Variants in TBC1D22A observed in about 807,000 individuals in gnomAD.
TBC1D22A encodes the protein putative GTPase activator.
TBC1D22A carries 38 observed loss-of-function variants against 60.2 expected under a neutral mutation model. The ratio of observed to expected loss-of-function variants is 0.63; its 90% CI spans 0.49 to 0.83. The LOEUF (loss-of-function observed/expected upper bound fraction) is 0.83. Among genes scored for constraint, TBC1D22A ranks in the 40% least tolerant of loss-of-function variants. The probability of loss-of-function intolerance (pLI) is 0.00; values close to 1 mark genes in which losing one functional copy is unlikely to be tolerated. For synonymous variants in TBC1D22A, 302 were observed against 281.7 expected (o/e 1.07, Z -0.72); for missense variants, 628 against 701.0 (o/e 0.90, Z 1.18).
At chr22:46,837,583 G>A (rs1398382192) in intron 4 of TBC1D22A, among the ~76,000 whole-genome samples, 2 of 152,080 alleles carry the variant, frequency 1.3e-5, no homozygotes, top group Non-Finnish European at 1.5e-5. Flanking sequence ...AGAAATAAAA[G>A]GAAGAAAGTT....
chr22:46,969,605 G>A (rs142298938), intron 8 of TBC1D22A, among the ~76,000 whole-genome samples: 1 of 152,210 alleles, frequency 6.6e-6, no homozygotes, highest in Non-Finnish European at 1.5e-5. Flanking sequence ...ACATTTTGTT[G>A]TGGTCCACTT....
chr22:47,082,091 G>A (rs2147568169), intron 11 of TBC1D22A, among the ~76,000 whole-genome samples: 1 of 152,246 alleles, frequency 6.6e-6, no homozygotes, highest in Admixed American at 6.5e-5. Flanking sequence ...CCAGGAGGTG[G>A]AGGTTGCAGT....
At chr22:47,122,140 C>T (rs1297632802) in intron 12 of TBC1D22A, among the ~76,000 whole-genome samples, 1 of 152,156 alleles carries the variant, frequency 6.6e-6, no homozygotes, top group Non-Finnish European at 1.5e-5. Flanking sequence ...ATGAGGGGCA[C>T]TGGGGATGAG....
intron 10 of TBC1D22A, among the ~76,000 whole-genome samples, chr22:47,022,402 G>A (rs2062121195): frequency 6.6e-6 from 1 of 152,194 alleles, no homozygotes; most frequent in Non-Finnish European, 1.5e-5. Context: ...CTGGAGCATG[G>A]TGTCAGGAGG....
At chr22:46,838,945 T>A (rs777462748) in intron 4 of TBC1D22A, among the ~76,000 whole-genome samples, 22 of 152,194 alleles carry the variant, frequency 1.4e-4, no homozygotes, top group Non-Finnish European at 2.6e-4. Flanking sequence ...TAGCTTAAGA[T>A]CTTACAAATG....
At chr22:47,043,506 A>G (rs892353270) in intron 11 of TBC1D22A, among the ~76,000 whole-genome samples, 41 of 152,186 alleles carry the variant, frequency 2.7e-4, no homozygotes, top group African/African-American at 9.9e-4. Context: ...AGCCCCTGCC[A>G]CCTGCAATTT....
intron 12 of TBC1D22A, among the ~76,000 whole-genome samples, chr22:47,114,307 C>T (rs1211546972): frequency 6.6e-6 from 1 of 151,924 alleles, no homozygotes; most frequent in Admixed American, 6.6e-5. Context: ...CTCTGAGAGC[C>T]TGTGGGGCCC....
At chr22:46,904,916 A>G (rs1280306478) in intron 7 of TBC1D22A, among the ~76,000 whole-genome samples, 2 of 151,788 alleles carry the variant, frequency 1.3e-5, no homozygotes. Context: ...CTGGGACTAC[A>G]GGCGCCTGCC....
chr22:47,053,935 G>A (rs1024109598), intron 11 of TBC1D22A, among the ~76,000 whole-genome samples: 3 of 152,232 alleles, frequency 2.0e-5, no homozygotes, highest in African/African-American at 7.2e-5. Flanking sequence ...AGTGGTAGCT[G>A]TTACTGTGGG....
chr22:46,903,085 G>A (rs1007546798), intron 7 of TBC1D22A, among the ~76,000 whole-genome samples: 6 of 152,186 alleles, frequency 3.9e-5, no homozygotes, highest in Non-Finnish European at 7.3e-5. Context: ...GCCCGGTTGG[G>A]CCGTGGATCT....
chr22:46,792,659 T>G (rs2084465712), intron 2 of TBC1D22A, 83 bp downstream of exon 2: 1 of 1,612,686 alleles, frequency 6.2e-7, no homozygotes, highest in Admixed American at 1.7e-5. Context: ...GCTTCCTTCC[T>G]GCTCCCAGGC....
At chr22:47,168,976 C>T (rs532937377) in intron 12 of TBC1D22A, among the ~76,000 whole-genome samples, 2 of 151,732 alleles carry the variant, frequency 1.3e-5, no homozygotes, top group African/African-American at 4.8e-5. Context: ...TCTTCGGCAT[C>T]GGGAGCCTCA....
At chr22:46,858,078 T>G (rs530875161) in intron 4 of TBC1D22A, among the ~76,000 whole-genome samples, 2 of 152,340 alleles carry the variant, frequency 1.3e-5, no homozygotes, top group East Asian at 3.9e-4. Flanking sequence ...CACAGCATTT[T>G]ACCTTCCCAC....
intron 11 of TBC1D22A, among the ~76,000 whole-genome samples, chr22:47,100,788 C>A (rs1037697049): frequency 2.0e-5 from 3 of 152,176 alleles, no homozygotes; most frequent in Non-Finnish European, 4.4e-5. Context: ...TTATCAGCCA[C>A]GTGAAAACGG....
At chr22:47,124,675 AGGGCTTG>A (rs1384998926) in intron 12 of TBC1D22A, among the ~76,000 whole-genome samples, 2 of 152,122 alleles carry the variant, frequency 1.3e-5, no homozygotes, top group Non-Finnish European at 2.9e-5. Context: ...TCCCAGAGGC[AGGGCTTG>A]GGGAGTGGGC....
chr22:47,015,483 A>G lies in TBC1D22A; in HGVS notation c.1201+17774A>G, dbSNP rs541512220. Among the ~76,000 whole-genome samples the G allele has an allele frequency of 3.9e-5, 6 of 152,360 alleles. No homozygotes were observed. The South Asian group carries it at 1.0e-3, about 26-fold the overall frequency. ...CCTTCTAATTTCGAGGAAACCTGCA[A>G]TTCAGCTGGAATCTGTAATTTTCTA... On this transcript the variant is annotated intron_variant, in intron 10 of 12. Transcript: ENST00000337137.
Position 46,892,323 on chromosome 22 carries a change from C to G in TBC1D22A, c.837+929C>G, listed in dbSNP as rs182466752. On this transcript the variant is annotated intron_variant, in intron 6 of 12. Coordinates refer to ENST00000337137, the MANE Select transcript of TBC1D22A (RefSeq NM_014346.5). ...AAAAAAAAAAAAGTCCAAATATATG[C>G]CTTACCTCTGTTACATAACAAAGAT... Among the ~76,000 whole-genome samples, 281 of 151,386 alleles carry G rather than the reference C, an allele frequency of 1.9e-3. 4 individuals carry two copies. Among genetic ancestry groups the G allele is most frequent in the African/African-American group, 6.5e-3 (269 of 41,356 alleles).
At chr22:46,913,862 G>T in intron 8 of TBC1D22A, 3 of 701,856 alleles carry the variant, frequency 4.3e-6, no homozygotes, top group Non-Finnish European at 5.2e-6. Context: ...TGCAAGACAG[G>T]ATGAAGGGGC....
chr22:46,961,188 G>A (rs143242469), intron 8 of TBC1D22A, among the ~76,000 whole-genome samples: 250 of 152,186 alleles, frequency 1.6e-3, no homozygotes, highest in African/African-American at 5.7e-3. Context: ...TTTCTAGACT[G>A]CTTTTGAGTA....
Sources: allele counts gnomAD v4.1 joint callset (sites outside exome capture counted in the v4.1 genomes callset), GRCh38; gene constraint gnomAD v4.1.1; transcripts MANE v1.5; gene names NCBI Gene and HGNC (gene_info 2026-07-23, HGNC 2026-07-21).